Variants in FSTL4 observed in about 807,000 individuals in gnomAD.
FSTL4 encodes follistatin like 4, also known as follistatin-related protein 4.
FSTL4 carries 28 observed loss-of-function variants against 78.2 expected under a neutral mutation model. That is an observed-to-expected ratio of 0.36 (90% CI 0.27 to 0.49). FSTL4 has a LOEUF of 0.49. Among genes scored for constraint, FSTL4 ranks in the 20% least tolerant of loss-of-function variants. FSTL4 has a pLI of 0.98. For synonymous variants in FSTL4, 422 were observed against 440.5 expected (o/e 0.96, Z 0.53); for missense variants, 922 against 1,084.9 (o/e 0.85, Z 2.11).
intron 4 of FSTL4, among the ~76,000 whole-genome samples, chr5:133,352,237 C>CATATATATATACACACAT (rs1754839283): frequency 7.0e-6 from 1 of 143,262 alleles, no homozygotes; most frequent in Admixed American, 7.1e-5. Flanking sequence ...TTCTCACACA[C>CATATATATATACACACAT]ATATATATAT....
rs1554108966 is a variant in FSTL4 at position 133,372,217 on chromosome 5, CTATCTATG to C, written c.409+28513_409+28520del. Among the ~76,000 whole-genome samples, 11 of 147,886 alleles carry C rather than the reference CTATCTATG, an allele frequency of 7.4e-5. 1 individual carries two copies. Among genetic ancestry groups the C allele is most frequent in the Middle Eastern group, 6.4e-3 (2 of 314 alleles). Reference sequence around the variant, plus strand: ...ATTTGAGGACTGGCAGGGGAATTATCTATCTATGTATCTATGTATCTATGTATCTATGT... The same window carrying C: ...ATTTGAGGACTGGCAGGGGAATTATCTATCTATGTATCTATGTATCTATGT... On this transcript the variant is annotated intron_variant, in intron 4 of 15. Transcript: ENST00000265342.
At chr5:133,421,440 C>T (rs2126987527) in intron 3 of FSTL4, among the ~76,000 whole-genome samples, 1 of 152,356 alleles carries the variant, frequency 6.6e-6, no homozygotes, top group South Asian at 2.1e-4. Context: ...GGGGGACTCC[C>T]CTGCCTGCTG....
At chr5:133,245,369 A>T (rs191248430) in intron 7 of FSTL4, among the ~76,000 whole-genome samples, 1 of 152,050 alleles carries the variant, frequency 6.6e-6, no homozygotes, top group Admixed American at 6.5e-5. Flanking sequence ...GGCGCTCCAG[A>T]CTCTTGCAGC....
chr5:133,740,494 C>T, the FSTL4 span, among the ~76,000 whole-genome samples: 20 of 152,180 alleles, frequency 1.3e-4, no homozygotes, highest in South Asian at 4.1e-4. Flanking sequence ...GTGTTGTTGA[C>T]CTGCTGATTG....
the FSTL4 span, among the ~76,000 whole-genome samples, chr5:133,764,763 C>T: frequency 6.6e-6 from 1 of 152,210 alleles, no homozygotes; most frequent in Admixed American, 6.5e-5. Flanking sequence ...TGTCAAATTC[C>T]TTCCATGGAT....
chr5:133,360,706 A>G (rs1370454421), intron 4 of FSTL4, among the ~76,000 whole-genome samples: 1 of 152,196 alleles, frequency 6.6e-6, no homozygotes, highest in African/African-American at 2.4e-5. Flanking sequence ...ATAAGCTCAT[A>G]GAAGGGCTAT....
chr5:133,337,759 A>G (rs112712457), intron 4 of FSTL4, among the ~76,000 whole-genome samples: 1 of 152,224 alleles, frequency 6.6e-6, no homozygotes, highest in East Asian at 1.9e-4. Context: ...AGCTTTCAAC[A>G]TGCTCCAAGT....
chr5:133,628,205 T>C, the FSTL4 span, among the ~76,000 whole-genome samples: 1 of 151,934 alleles, frequency 6.6e-6, no homozygotes, highest in Non-Finnish European at 1.5e-5. Context: ...TTAAAAGAAT[T>C]AGAGAAGCAA....
chr5:133,589,913 A>G (rs1760588764), intron 2 of FSTL4, among the ~76,000 whole-genome samples: 1 of 152,186 alleles, frequency 6.6e-6, no homozygotes, highest in Non-Finnish European at 1.5e-5. Flanking sequence ...TGAAGCCTCA[A>G]TTTCTACATG....
chr5:133,580,135 C>CA (rs1309733145), intron 2 of FSTL4, among the ~76,000 whole-genome samples: 1 of 152,212 alleles, frequency 6.6e-6, no homozygotes, highest in Non-Finnish European at 1.5e-5. Flanking sequence ...GTCCCCTCCC[C>CA]TTGGATCTTC....
the FSTL4 span, among the ~76,000 whole-genome samples, chr5:133,717,845 G>A: frequency 6.6e-6 from 1 of 152,134 alleles, no homozygotes; most frequent in Non-Finnish European, 1.5e-5. Context: ...TAGGATTGTT[G>A]CCAGTTTTTA....
At chr5:133,401,155 AG>A (rs1479252745) in intron 3 of FSTL4, among the ~76,000 whole-genome samples, 169 bp from the exon 4 acceptor site, 3 of 152,168 alleles carry the variant, frequency 2.0e-5, no homozygotes, top group Non-Finnish European at 4.4e-5. Flanking sequence ...TCCCTCCATG[AG>A]GTGGTCATTG....
chr5:133,415,110 G>A (rs1435510971), intron 3 of FSTL4, among the ~76,000 whole-genome samples: 2 of 152,206 alleles, frequency 1.3e-5, no homozygotes, highest in Non-Finnish European at 2.9e-5. Flanking sequence ...AGCCACTTCT[G>A]ATAGAAGAAA....
the FSTL4 span, among the ~76,000 whole-genome samples, chr5:133,626,872 A>G: frequency 6.6e-6 from 1 of 151,982 alleles, no homozygotes; most frequent in East Asian, 1.9e-4. Flanking sequence ...TGTTGGGTGG[A>G]GTATTCTGCA....
At chr5:133,372,225 G>T (rs1462979740) in intron 4 of FSTL4, among the ~76,000 whole-genome samples, 3 of 101,466 alleles carry the variant, frequency 3.0e-5, no homozygotes, top group African/African-American at 1.0e-4. Context: ...ATCTATCTAT[G>T]TATCTATGTA....
intron 3 of FSTL4, among the ~76,000 whole-genome samples, chr5:133,556,850 C>T (rs1248980855): frequency 1.3e-5 from 2 of 152,190 alleles, no homozygotes; most frequent in African/African-American, 4.8e-5. Flanking sequence ...TTCTGACAAA[C>T]ATCATCAAGG....
chr5:133,359,055 C>T lies in FSTL4; in HGVS notation c.409+41683G>A, dbSNP rs1047962067. On this transcript the variant is annotated intron_variant, in intron 4 of 15. Transcript: ENST00000265342. ...ATACCCTAACTTTTGTGCTCTTAAC[C>T]TGTTGGCATTTCTTTTGCCATTGGC... Among the ~76,000 whole-genome samples, 24 of 152,310 alleles carry T rather than the reference C, an allele frequency of 1.6e-4. No homozygotes were observed. In the South Asian group the frequency reaches 1.9e-3, roughly 12 times the overall value.
chr5:133,798,224 A>C, the FSTL4 span, among the ~76,000 whole-genome samples: 2 of 152,224 alleles, frequency 1.3e-5, no homozygotes, highest in African/African-American at 4.8e-5. Flanking sequence ...AAAATAAGTA[A>C]AAATAAAATT....
At chr5:133,289,781 T>C (rs1753216291) in intron 6 of FSTL4, among the ~76,000 whole-genome samples, 1 of 152,212 alleles carries the variant, frequency 6.6e-6, no homozygotes, top group Non-Finnish European at 1.5e-5. Flanking sequence ...CACAACCTGA[T>C]GGTACCATGT....
Sources: gnomAD v4.1 joint callset for allele counts (sites outside exome capture counted in the v4.1 genomes callset) on GRCh38, gnomAD v4.1.1 for gene constraint, MANE v1.5 for transcripts, NCBI Gene and HGNC (gene_info 2026-07-23, HGNC 2026-07-21) for gene names.